LRRC37A2: variants seen among roughly 807,000 people sequenced by gnomAD.
LRRC37A2 encodes leucine rich repeat containing 37 member A2.
In LRRC37A2, 9 loss-of-function variants were observed where a neutral mutation model predicts 68.8. That is an observed-to-expected ratio of 0.13 (90% CI 0.08 to 0.23). The LOEUF is 0.23. Ranked by LOEUF, LRRC37A2 falls within the 10% of genes least tolerant of loss-of-function variation. The pLI is 1.00. For missense variants in LRRC37A2, 168 were observed against 950.4 expected (o/e 0.18, Z 10.82); for synonymous variants, 63 against 367.6 (o/e 0.17, Z 9.48).
the LRRC37A2 span, among the ~76,000 whole-genome samples, chr17:46,863,420 G>C: frequency 6.6e-6 from 1 of 152,214 alleles, no homozygotes; most frequent in African/African-American, 2.4e-5. Flanking sequence ...AAAAACCATG[G>C]CCTCTGCCAA....
At chr17:46,916,065 C>T in the LRRC37A2 span, among the ~76,000 whole-genome samples, 17 of 152,196 alleles carry the variant, frequency 1.1e-4, no homozygotes, top group Non-Finnish European at 2.5e-4. Flanking sequence ...CATCCTTTAA[C>T]CTGACTGCTG....
the LRRC37A2 span, chr17:46,872,652 G>C: frequency 6.2e-7 from 1 of 1,613,668 alleles, no homozygotes; most frequent in Non-Finnish European, 8.5e-7. Flanking sequence ...GCCGGAGGGA[G>C]CCCGGCCTGG....
the LRRC37A2 span, among the ~76,000 whole-genome samples, chr17:46,953,204 C>A: frequency 2.0e-5 from 3 of 152,134 alleles, no homozygotes; most frequent in African/African-American, 7.2e-5. Flanking sequence ...CCACTCCCCC[C>A]ACCCCACAAC....
At chr17:46,836,434 T>C in the LRRC37A2 span, among the ~76,000 whole-genome samples, 3 of 152,112 alleles carry the variant, frequency 2.0e-5, no homozygotes, top group Admixed American at 1.3e-4. Flanking sequence ...TGAAATGGGG[T>C]TTCAAGGGCA....
chr17:46,548,758 G>C lies in LRRC37A2; in HGVS notation c.3619G>C (p.Gly1207Arg), dbSNP rs751355590. ...GAACGCTGCCGAAGAAAAAAGGCTC[G>C]GGAGTCCAGCCCCAAGGGAGGTGGA... The change falls in exon 10 of 15, where the codon GGG (glycine) becomes CGG (arginine). Residue 1207 changes from glycine to arginine, a missense_variant. Transcript: ENST00000576629. 8 of 1,610,352 alleles carry C rather than the reference G, an allele frequency of 5.0e-6. 2 individuals are homozygous for C. In the African/African-American group the frequency reaches 1.1e-4, roughly 22 times the overall value.
chr17:46,921,939 T>C, the LRRC37A2 span, among the ~76,000 whole-genome samples: 1 of 152,198 alleles, frequency 6.6e-6, no homozygotes, highest in African/African-American at 2.4e-5. Flanking sequence ...TTCTCAGGGA[T>C]CTAGAACTAG....
chr17:46,899,409 C>A, the LRRC37A2 span, among the ~76,000 whole-genome samples: 1 of 151,332 alleles, frequency 6.6e-6, no homozygotes, highest in East Asian at 1.9e-4. Context: ...TGTCTCAAAA[C>A]AAACAAACAA....
the LRRC37A2 span, among the ~76,000 whole-genome samples, chr17:46,965,592 C>CACCCCT: frequency 2.0e-5 from 3 of 150,574 alleles, no homozygotes; most frequent in African/African-American, 7.3e-5. Context: ...CCACCCAGGG[C>CACCCCT]ACCCCTTCTG....
chr17:46,781,778 C>T, the LRRC37A2 span, among the ~76,000 whole-genome samples: 127,642 of 151,750 alleles, frequency 0.84, 53,988 homozygotes, highest in East Asian at 1. Flanking sequence ...CCTTCAACTT[C>T]GCATCTAGAG....
the LRRC37A2 span, among the ~76,000 whole-genome samples, chr17:46,813,379 A>T: frequency 6.7e-6 from 1 of 149,164 alleles, no homozygotes; most frequent in Admixed American, 6.8e-5. Context: ...ATTCAGACAT[A>T]GGTCTCTCCA....
the LRRC37A2 span, among the ~76,000 whole-genome samples, chr17:46,739,406 G>A: frequency 6.8e-6 from 1 of 147,972 alleles, no homozygotes; most frequent in Non-Finnish European, 1.5e-5. Context: ...AAGCATGGTG[G>A]TGCACACCTG....
the LRRC37A2 span, among the ~76,000 whole-genome samples, chr17:46,382,404 T>C: frequency 1.4e-5 from 1 of 69,402 alleles, no homozygotes; most frequent in African/African-American, 4.6e-5. Flanking sequence ...CTTGGTGGCC[T>C]GGGCTGGAGT....
chr17:46,438,308 CT>C, the LRRC37A2 span, among the ~76,000 whole-genome samples: 1 of 71,236 alleles, frequency 1.4e-5, no homozygotes, highest in African/African-American at 4.2e-5. Flanking sequence ...AGATCGAACC[CT>C]TTTTTTTCAT....
chr17:46,753,637 C>T, the LRRC37A2 span, among the ~76,000 whole-genome samples: 57 of 151,588 alleles, frequency 3.8e-4, no homozygotes, highest in Non-Finnish European at 7.5e-4. Flanking sequence ...ATAGAAGAAA[C>T]TATGTGGATT....
the LRRC37A2 span, among the ~76,000 whole-genome samples, chr17:46,774,943 C>T: frequency 3.3e-5 from 5 of 152,170 alleles, no homozygotes; most frequent in African/African-American, 1.2e-4. Flanking sequence ...AGAAGGGGCC[C>T]ATCTCCTCTC....
At chr17:46,815,405 T>C in the LRRC37A2 span, among the ~76,000 whole-genome samples, 4 of 152,174 alleles carry the variant, frequency 2.6e-5, no homozygotes, top group Non-Finnish European at 4.4e-5. Flanking sequence ...GGTGTCATGC[T>C]TGAGGGTCCG....
At chr17:46,808,625 GA>G in the LRRC37A2 span, among the ~76,000 whole-genome samples, 1 of 152,170 alleles carries the variant, frequency 6.6e-6, no homozygotes, top group Non-Finnish European at 1.5e-5. Flanking sequence ...TCTGCATGGG[GA>G]TCAGCACATA....
chr17:46,916,208 C>T, the LRRC37A2 span, among the ~76,000 whole-genome samples: 1 of 152,248 alleles, frequency 6.6e-6, no homozygotes, highest in Admixed American at 6.5e-5. Flanking sequence ...GGCCAACCAG[C>T]TTTTACAATC....
the LRRC37A2 span, among the ~76,000 whole-genome samples, chr17:46,816,434 G>T: frequency 6.9e-6 from 1 of 144,064 alleles, no homozygotes. Flanking sequence ...ACACACTGGT[G>T]TATAGAAAAC....
Sources: gnomAD v4.1 joint callset for allele counts (sites outside exome capture counted in the v4.1 genomes callset) on GRCh38, gnomAD v4.1.1 for gene constraint, MANE v1.5 for transcripts, NCBI Gene and HGNC (gene_info 2026-07-23, HGNC 2026-07-21) for gene names.